Variants in SLC9C1 observed in about 807,000 individuals in gnomAD.
SLC9C1 encodes sodium/hydrogen exchanger 10.
In SLC9C1, 97 loss-of-function variants were observed where a neutral mutation model predicts 140.9. The observed-to-expected ratio is 0.69, with a 90% CI of 0.58 to 0.82. The LOEUF (loss-of-function observed/expected upper bound fraction) is 0.82, where lower values mean the gene tolerates loss of function less well. Ranked by LOEUF, SLC9C1 falls within the 40% of genes least tolerant of loss-of-function variation. The pLI is 0.00. For missense variants in SLC9C1, 1,340 were observed against 1,389.3 expected, an observed-to-expected ratio of 0.96 and a Z score of 0.56; for synonymous variants, 440 against 442.6, an observed-to-expected ratio of 0.99 and a Z score of 0.07.
At chr3:112,257,298 G>T (rs1025118561) in intron 10 of SLC9C1, among the ~76,000 whole-genome samples, 2 of 151,996 alleles carry the variant, frequency 1.3e-5, no homozygotes, top group African/African-American at 4.8e-5. Flanking sequence ...ACTTCAAAAT[G>T]TCCAACAGGG....
At chr3:112,183,370 T>TTTTTTTTTTTC (rs1560039720) in intron 20 of SLC9C1, among the ~76,000 whole-genome samples, 1 of 128,848 alleles carries the variant, frequency 7.8e-6, no homozygotes, top group Non-Finnish European at 1.6e-5. Context: ...TTTTTTTTTT[T>TTTTTTTTTTTC]CAGCCAATCA....
At chr3:112,211,134 A>AT (rs1458335909) in intron 15 of SLC9C1, among the ~76,000 whole-genome samples, 3 of 152,188 alleles carry the variant, frequency 2.0e-5, no homozygotes, top group Non-Finnish European at 4.4e-5. Flanking sequence ...AAATAAGGCC[A>AT]TTTTTCAGAT....
intron 13 of SLC9C1, among the ~76,000 whole-genome samples, chr3:112,230,127 A>T (rs1014546393): frequency 6.6e-6 from 1 of 152,046 alleles, no homozygotes; most frequent in Non-Finnish European, 1.5e-5. Flanking sequence ...GCCCTACTTC[A>T]TTGTTTCCAG....
intron 15 of SLC9C1, among the ~76,000 whole-genome samples, chr3:112,213,275 A>G (rs2078259375): frequency 6.6e-6 from 1 of 152,226 alleles, no homozygotes; most frequent in Non-Finnish European, 1.5e-5. Flanking sequence ...AAGACCATCT[A>G]TGCTAGGAAG....
intron 20 of SLC9C1, among the ~76,000 whole-genome samples, chr3:112,198,626 C>T (rs2077824491): frequency 1.3e-5 from 2 of 151,896 alleles, no homozygotes; most frequent in Non-Finnish European, 2.9e-5. Context: ...TATTAACATT[C>T]TTAATGAGGG....
At chr3:112,143,050 G>T (rs2074678118) in intron 28 of SLC9C1, among the ~76,000 whole-genome samples, 1 of 152,130 alleles carries the variant, frequency 6.6e-6, no homozygotes, top group Admixed American at 6.6e-5. Context: ...CCATATTGCT[G>T]CAAAGGACAG....
At chr3:112,166,752 T>G (rs917976645) in intron 26 of SLC9C1, among the ~76,000 whole-genome samples, 1 of 152,094 alleles carries the variant, frequency 6.6e-6, no homozygotes, top group African/African-American at 2.4e-5. Context: ...CTCAAAAGTA[T>G]TTTTCAAATT....
intron 1 of SLC9C1, among the ~76,000 whole-genome samples, chr3:112,289,138 G>T (rs766255805): frequency 6.6e-6 from 1 of 152,100 alleles, no homozygotes; most frequent in Admixed American, 6.5e-5. Context: ...AATATTCTTG[G>T]TGAGGTTTTG....
At chr3:112,155,276 G>A (rs2075097898) in intron 26 of SLC9C1, among the ~76,000 whole-genome samples, 1 of 152,092 alleles carries the variant, frequency 6.6e-6, no homozygotes, top group East Asian at 1.9e-4. Context: ...TTGGAAAGTA[G>A]AGCTACAAAA....
At position 112,277,839 on chromosome 3, in the gene SLC9C1, C is replaced by T. The variant is rs760531143; in HGVS notation, c.340G>A (p.Gly114Ser). 5.6e-6 allele frequency: 9 copies of T among 1,595,540 alleles called. No individual in the cohort carries two copies. The highest frequency in any genetic ancestry group is 1.7e-4 in the Middle Eastern group (1 of 5,954). The stretch of plus-strand genomic sequence containing the variant: ...ACTAAGATATAATTAACCAAAAAGC[C>T]GGGAATTGAAATTAAAAGTATCTGC... ...FWQILLISIPGFLVNYILVLW... is the reference protein window; with the variant it reads ...FWQILLISIPSFLVNYILVLW... Residue 114 changes from glycine to serine, a missense_variant, in exon 5 of 29, where the codon GGC (glycine) becomes AGC (serine). By Grantham distance (56) the Gly-to-Ser change is moderately conservative (BLOSUM62 0). Transcript: ENST00000305815.
chr3:112,263,517 AT>A (rs11454907), intron 9 of SLC9C1, among the ~76,000 whole-genome samples: 3 of 151,050 alleles, frequency 2.0e-5, no homozygotes, highest in Non-Finnish European at 4.4e-5. Context: ...TATTGGCCAG[AT>A]TTTTTTTTCC....
chr3:112,216,445 G>A (rs1218809618), intron 15 of SLC9C1, among the ~76,000 whole-genome samples: 1 of 151,918 alleles, frequency 6.6e-6, no homozygotes, highest in African/African-American at 2.4e-5. Context: ...GAAAATTTTT[G>A]CAATATACCC....
At chr3:112,257,863 C>A (rs187676379) in intron 10 of SLC9C1, among the ~76,000 whole-genome samples, 2 of 151,990 alleles carry the variant, frequency 1.3e-5, no homozygotes, top group African/African-American at 4.8e-5. Context: ...AGAAAACAAC[C>A]CCATTAAAAG....
chr3:112,147,676 G>T (rs2107842552), intron 28 of SLC9C1, among the ~76,000 whole-genome samples: 1 of 152,208 alleles, frequency 6.6e-6, no homozygotes, highest in Middle Eastern at 3.4e-3. Flanking sequence ...AGTTCCCATT[G>T]TATGTTATCT....
intron 16 of SLC9C1, 86 bp downstream of exon 16, chr3:112,208,092 G>C: frequency 1.9e-6 from 2 of 1,068,256 alleles, no homozygotes; most frequent in Non-Finnish European, 2.6e-6. Flanking sequence ...TCAGAAAATT[G>C]TCTGTTGCTG....
rs1157244049 is a variant in SLC9C1, at chr3:112,271,365, A to G, written c.614-1288T>C. Among the ~76,000 whole-genome samples the G allele has an allele frequency of 1.3e-4, 17 of 131,776 alleles. No individual in the cohort carries two copies. In the Admixed American group the frequency reaches 1.4e-3, roughly 11 times the overall value. 86.5% of individuals were successfully genotyped at this position (131,776 alleles called of 152,430 possible). A position where few individuals can be genotyped will look rare whatever the true frequency, so the allele number is the denominator to read the frequency against. ...AATTATAGTTAAATGAGGTGACGTT[A>G]ATTAGTTTGATTTAATCATTCTACA... On this transcript the variant is annotated intron_variant, in intron 6 of 28. Transcript: ENST00000305815.
At chr3:112,186,135 C>T (rs936974110) in intron 20 of SLC9C1, 1 of 549,516 alleles carries the variant, frequency 1.8e-6, no homozygotes. Context: ...GATATGAGTT[C>T]TTCATTGGAA....
At chr3:112,170,634 T>A (rs779698918) in intron 23 of SLC9C1, among the ~76,000 whole-genome samples, 1 of 152,184 alleles carries the variant, frequency 6.6e-6, no homozygotes, top group Non-Finnish European at 1.5e-5. Flanking sequence ...TCTATAAATA[T>A]GTTATTTGAG....
chr3:112,200,583 G>T, intron 19 of SLC9C1, 128 bp downstream of exon 19: 1 of 726,968 alleles, frequency 1.4e-6, no homozygotes, highest in Non-Finnish European at 2.3e-6. Context: ...TGATTGTTGA[G>T]GTTACTCACT....
Sources: gnomAD v4.1 joint callset for allele counts (sites outside exome capture counted in the v4.1 genomes callset) on GRCh38, gnomAD v4.1.1 for gene constraint, MANE v1.5 for transcripts, NCBI Gene and HGNC (gene_info 2026-07-23, HGNC 2026-07-21) for gene names.